The following SUGCT variants were observed in gnomAD, a reference collection of about 807,000 sequenced individuals.
The protein encoded by SUGCT is succinyl-CoA:glutarate CoA-transferase.
A neutral mutation model predicts 55.0 loss-of-function variants in SUGCT; 41 were observed. The ratio of observed to expected loss-of-function variants is 0.74; its 90% CI spans 0.58 to 0.97. The LOEUF (loss-of-function observed/expected upper bound fraction) is 0.97. Among genes scored for constraint, SUGCT ranks in the 50% least tolerant of loss-of-function variants. The pLI is 0.00. For synonymous variants in SUGCT, 187 were observed against 200.4 expected, an observed-to-expected ratio of 0.93 and a Z score of 0.56; for missense variants, 568 against 547.8, an observed-to-expected ratio of 1.04 and a Z score of -0.37.
intron 1 of SUGCT, among the ~76,000 whole-genome samples, chr7:40,136,166 T>A (rs1455797175): frequency 6.6e-6 from 1 of 151,922 alleles, no homozygotes; most frequent in African/African-American, 2.4e-5. Context: ...CCGGCTAATT[T>A]TTTTGTATTT....
At chr7:40,140,723 T>C (rs1196202237) in intron 1 of SUGCT, among the ~76,000 whole-genome samples, 1 of 152,168 alleles carries the variant, frequency 6.6e-6, no homozygotes. Flanking sequence ...TTATAGACAC[T>C]ATGAGTATTA....
chr7:40,347,487 G>A (rs1235384584), intron 9 of SUGCT, among the ~76,000 whole-genome samples: 3 of 152,160 alleles, frequency 2.0e-5, no homozygotes. Context: ...TCAAAGTGTG[G>A]CCCATGTCCT....
intron 13 of SUGCT, among the ~76,000 whole-genome samples, chr7:40,815,628 A>C (rs182439223): frequency 6.6e-6 from 1 of 152,204 alleles, no homozygotes; most frequent in African/African-American, 2.4e-5. Flanking sequence ...TGGAGCAGAA[A>C]GGGCCTCTCT....
chr7:40,654,967 A>G (rs1405905881), intron 12 of SUGCT, among the ~76,000 whole-genome samples: 1 of 152,222 alleles, frequency 6.6e-6, no homozygotes. Context: ...AACTTAGGCG[A>G]AAGGCAATTA....
At chr7:40,734,876 C>G (rs529215196) in intron 12 of SUGCT, among the ~76,000 whole-genome samples, 1 of 152,246 alleles carries the variant, frequency 6.6e-6, no homozygotes, top group South Asian at 2.1e-4. Flanking sequence ...TTAGACTGGA[C>G]TCCCAAATTC....
At chr7:40,547,512 C>G (rs1173881580) in intron 12 of SUGCT, among the ~76,000 whole-genome samples, 1 of 151,976 alleles carries the variant, frequency 6.6e-6, no homozygotes, top group Non-Finnish European at 1.5e-5. Flanking sequence ...CTTATTATAT[C>G]TAATTTTGGA....
chr7:40,187,949 G>A (rs1384844538), intron 3 of SUGCT, among the ~76,000 whole-genome samples: 2 of 151,946 alleles, frequency 1.3e-5, no homozygotes, highest in African/African-American at 4.8e-5. Context: ...TGGATCATTT[G>A]AAGTCAGGAG....
chr7:40,930,047 G>A, the SUGCT span, among the ~76,000 whole-genome samples: 2 of 152,128 alleles, frequency 1.3e-5, no homozygotes, highest in Non-Finnish European at 2.9e-5. Flanking sequence ...TGTTTTTATG[G>A]TTTTAGGTCT....
At chr7:41,005,021 T>C in the SUGCT span, among the ~76,000 whole-genome samples, 1 of 152,148 alleles carries the variant, frequency 6.6e-6, no homozygotes, top group Non-Finnish European at 1.5e-5. Context: ...GCCCAAAAAA[T>C]GGCAAGCAAC....
chr7:40,149,523 T>C (rs1584184148), intron 1 of SUGCT, among the ~76,000 whole-genome samples: 4 of 152,308 alleles, frequency 2.6e-5, no homozygotes, highest in Admixed American at 2.6e-4. Context: ...GCGCGGTGGC[T>C]CATGCCCGTA....
At chr7:40,880,795 T>A in the SUGCT span, among the ~76,000 whole-genome samples, 3 of 152,188 alleles carry the variant, frequency 2.0e-5, no homozygotes, top group Admixed American at 2.0e-4. Flanking sequence ...GGAGTACAGC[T>A]GATAGACAGA....
rs570588973 is a variant in SUGCT at position 40,758,900 on chromosome 7, T to C, written c.1153+9403T>C. 7.2e-5 allele frequency among the ~76,000 whole-genome samples: 11 copies of C among 152,242 alleles called. No homozygotes were observed. The South Asian group carries it at 2.3e-3, about 32-fold the overall frequency. ...ATCTGCTTACAACCCTTGTGTCTGT[T>C]TGAAATGTTCCTAAGAGCTCTAAAT... On this transcript the variant is annotated intron_variant, in intron 13 of 13. Transcript: ENST00000335693.
intron 12 of SUGCT, among the ~76,000 whole-genome samples, chr7:40,547,461 A>C (rs934975114): frequency 3.3e-5 from 5 of 152,208 alleles, no homozygotes; most frequent in African/African-American, 9.6e-5. Flanking sequence ...TACTTTAAGT[A>C]GAGTGTTTTA....
chr7:40,336,454 A>G (rs944385090), intron 9 of SUGCT, among the ~76,000 whole-genome samples: 2 of 152,062 alleles, frequency 1.3e-5, no homozygotes, highest in Non-Finnish European at 2.9e-5. Context: ...CAGGGATTCA[A>G]CTTCTTCCTG....
At chr7:40,969,484 C>A in the SUGCT span, among the ~76,000 whole-genome samples, 3 of 152,016 alleles carry the variant, frequency 2.0e-5, no homozygotes, top group Admixed American at 1.3e-4. Flanking sequence ...CCTTTGCCTC[C>A]TGAGTAGCTA....
chr7:40,742,571 T>C (rs1056827864), intron 12 of SUGCT, among the ~76,000 whole-genome samples: 1 of 152,186 alleles, frequency 6.6e-6, no homozygotes, highest in Admixed American at 6.5e-5. Context: ...GCTCAAGCTG[T>C]AATGCTCCTT....
intron 13 of SUGCT, among the ~76,000 whole-genome samples, chr7:40,772,395 C>T (rs905962501): frequency 6.6e-6 from 1 of 152,138 alleles, no homozygotes; most frequent in South Asian, 2.1e-4. Flanking sequence ...CATGTTTGAG[C>T]TCACAAGCAA....
intron 13 of SUGCT, among the ~76,000 whole-genome samples, chr7:40,855,335 T>C (rs1029977536): frequency 1.3e-5 from 2 of 152,058 alleles, no homozygotes; most frequent in African/African-American, 4.8e-5. Flanking sequence ...GCCTCTTTTT[T>C]CCTGGGGTTC....
chr7:40,471,896 T>C (rs1176172801), intron 11 of SUGCT, among the ~76,000 whole-genome samples: 1 of 152,124 alleles, frequency 6.6e-6, no homozygotes, highest in East Asian at 1.9e-4. Context: ...CCTCAATGTA[T>C]TAACTTGAAA....
Sources: allele counts gnomAD v4.1 joint callset (sites outside exome capture counted in the v4.1 genomes callset), GRCh38; gene constraint gnomAD v4.1.1; transcripts MANE v1.5; gene names NCBI Gene and HGNC (gene_info 2026-07-23, HGNC 2026-07-21).